CRPPA: variants seen among roughly 807,000 people sequenced by gnomAD.
CRPPA encodes CDP-L-ribitol pyrophosphorylase A, also known as D-ribitol-5-phosphate cytidylyltransferase.
In CRPPA, 43 loss-of-function variants were observed where a neutral mutation model predicts 52.0. That is an observed-to-expected ratio of 0.83 (90% CI 0.65 to 1.07). CRPPA has a LOEUF of 1.07. Ranked by LOEUF, CRPPA falls within the 50% of genes least tolerant of loss-of-function variation. CRPPA has a pLI of 0.00. For missense variants in CRPPA, 629 were observed against 551.7 expected (o/e 1.14, Z -1.40); for synonymous variants, 250 against 203.5 (o/e 1.23, Z -1.94).
chr7:16,204,523 T>C (rs965089666), intron 9 of CRPPA, among the ~76,000 whole-genome samples: 2 of 152,052 alleles, frequency 1.3e-5, no homozygotes, highest in African/African-American at 2.4e-5. Flanking sequence ...ATGGGCAGAA[T>C]GTACACTATT....
intron 2 of CRPPA, among the ~76,000 whole-genome samples, chr7:16,402,213 G>C (rs1051691672): frequency 6.6e-6 from 1 of 152,240 alleles, no homozygotes; most frequent in African/African-American, 2.4e-5. Context: ...GGCAGGGACA[G>C]TTTTCCCTGA....
intron 9 of CRPPA, among the ~76,000 whole-genome samples, chr7:16,102,894 T>G (rs1274384080): frequency 6.6e-6 from 1 of 152,196 alleles, no homozygotes; most frequent in Non-Finnish European, 1.5e-5. Context: ...GAAGACAGTG[T>G]GGCAATTCCT....
chr7:16,131,753 G>A (rs947030778), intron 9 of CRPPA, among the ~76,000 whole-genome samples: 7 of 152,112 alleles, frequency 4.6e-5, no homozygotes, highest in Non-Finnish European at 5.9e-5. Context: ...GCTAATTTTT[G>A]TAGTTTTTGT....
At chr7:16,171,848 A>G (rs905341297) in intron 9 of CRPPA, among the ~76,000 whole-genome samples, 7 of 152,196 alleles carry the variant, frequency 4.6e-5, no homozygotes, top group Non-Finnish European at 1.0e-4. Flanking sequence ...GGTTCTGCAC[A>G]TTGACACTTC....
intron 8 of CRPPA, among the ~76,000 whole-genome samples, chr7:16,235,624 T>C (rs1407760862): frequency 6.6e-6 from 1 of 152,038 alleles, no homozygotes; most frequent in Non-Finnish European, 1.5e-5. Context: ...GCCTAAAATA[T>C]TTACTATCTG....
intron 9 of CRPPA, among the ~76,000 whole-genome samples, chr7:16,094,734 G>A (rs1057268015): frequency 1.3e-5 from 2 of 152,088 alleles, no homozygotes; most frequent in East Asian, 1.9e-4. Context: ...TGTGAAAATA[G>A]CATTTATGTA....
intron 9 of CRPPA, among the ~76,000 whole-genome samples, chr7:16,122,035 G>A (rs1453266243): frequency 6.6e-6 from 1 of 152,008 alleles, no homozygotes. Context: ...CAAATAAGCA[G>A]CACATTACAA....
At chr7:16,211,456 G>C (rs1477430685) in intron 9 of CRPPA, among the ~76,000 whole-genome samples, 1 of 152,174 alleles carries the variant, frequency 6.6e-6, no homozygotes, top group East Asian at 1.9e-4. Flanking sequence ...TGGTACGTCT[G>C]CCATATGATT....
At chr7:16,158,748 G>A (rs1239109920) in intron 9 of CRPPA, among the ~76,000 whole-genome samples, 2 of 152,042 alleles carry the variant, frequency 1.3e-5, no homozygotes, top group Non-Finnish European at 2.9e-5. Flanking sequence ...ATCTATGCTG[G>A]CATTTGTTAG....
At chr7:16,093,253 C>T (rs936960788) in intron 9 of CRPPA, among the ~76,000 whole-genome samples, 1 of 152,110 alleles carries the variant, frequency 6.6e-6, no homozygotes, top group African/African-American at 2.4e-5. Flanking sequence ...AAATTCAAAG[C>T]AAAAGAGGTT....
At chr7:16,200,541 AG>A (rs1781828291) in intron 9 of CRPPA, among the ~76,000 whole-genome samples, 1 of 152,218 alleles carries the variant, frequency 6.6e-6, no homozygotes, top group Non-Finnish European at 1.5e-5. Context: ...GACACATAAA[AG>A]TTCAATTAAA....
chr7:16,217,012 C>T (rs1782343716), intron 8 of CRPPA, among the ~76,000 whole-genome samples: 1 of 151,920 alleles, frequency 6.6e-6, no homozygotes, highest in Non-Finnish European at 1.5e-5. Context: ...AAAAAGACAG[C>T]AGTAACGTCT....
At chr7:16,357,638 G>T (rs1786335776) in intron 3 of CRPPA, among the ~76,000 whole-genome samples, 1 of 152,176 alleles carries the variant, frequency 6.6e-6, no homozygotes, top group South Asian at 2.1e-4. Flanking sequence ...CAGGAACTGG[G>T]AAATGACCTC....
rs754223084 is a variant in CRPPA, at chr7:16,278,235, A to T, written c.836-9T>A. 2.3e-5 allele frequency: 14 copies of T among 618,128 alleles called. No individual in the cohort carries two copies. The highest frequency in any genetic ancestry group is 3.4e-5 in the South Asian group (1 of 29,222). 38.3% of individuals were successfully genotyped at this position (618,128 alleles called of 1,614,324 possible). A position where few individuals can be genotyped will look rare whatever the true frequency, so the allele number is the denominator to read the frequency against. ...CTCTTGGGAAATTCTCTCTGAAATT[A>T]AAAAAAAAAAGTTTTAAGTTTCAAA... On this transcript the variant is annotated splice_polypyrimidine_tract_variant and intron_variant, in intron 5 of 9. Coordinates refer to ENST00000407010, the MANE Select transcript of CRPPA (RefSeq NM_001101426.4).
In CRPPA at chr7:16,421,108, A is replaced by G; in HGVS notation, c.215T>C (p.Leu72Pro). 7.6e-7 allele frequency: 1 copy of G among 1,308,894 alleles called. No homozygotes were observed. Among genetic ancestry groups the G allele is most frequent in the Non-Finnish European group, 9.8e-7 (1 of 1,022,144 alleles). 81.1% of individuals were successfully genotyped at this position (1,308,894 alleles called of 1,614,324 possible). A position where few individuals can be genotyped will look rare whatever the true frequency, so the allele number is the denominator to read the frequency against. The change falls in exon 1 of 10, where the codon CTG (leucine) becomes CCG (proline). Residue 72 changes from leucine (L) to proline (P), a missense_variant. Coordinates refer to ENST00000407010, the MANE Select transcript of CRPPA (RefSeq NM_001101426.4). ...GGTGTAGCTGATGAGCGGCCTCTCC[A>G]GGATGGGGCAGAATTGCTTCGGGGT... ...VPTPKQFCPI[L>P]ERPLISYTLQ... is the part of the protein sequence containing the mutation.
intron 9 of CRPPA, among the ~76,000 whole-genome samples, chr7:16,100,720 G>C (rs1480231380): frequency 6.6e-6 from 1 of 152,144 alleles, no homozygotes; most frequent in East Asian, 1.9e-4. Flanking sequence ...GGGCATCCTT[G>C]TCTTGTGCCA....
chr7:16,383,247 T>C (rs1042791721), intron 2 of CRPPA, among the ~76,000 whole-genome samples: 5 of 152,150 alleles, frequency 3.3e-5, no homozygotes, highest in African/African-American at 7.2e-5. Context: ...TGGAGTTTGC[T>C]AGAGGTCCAC....
At chr7:16,320,607 T>C (rs1401073014) in intron 3 of CRPPA, among the ~76,000 whole-genome samples, 1 of 151,852 alleles carries the variant, frequency 6.6e-6, no homozygotes, top group Non-Finnish European at 1.5e-5. Flanking sequence ...TACATTAGAG[T>C]AAAACTAAAT....
intron 9 of CRPPA, among the ~76,000 whole-genome samples, chr7:16,206,828 G>T (rs967360058): frequency 6.6e-6 from 1 of 152,098 alleles, no homozygotes; most frequent in African/African-American, 2.4e-5. Context: ...AATTACTGTA[G>T]ATATGTTTAT....
Sources: gnomAD v4.1 joint callset for allele counts (sites outside exome capture counted in the v4.1 genomes callset) on GRCh38, gnomAD v4.1.1 for gene constraint, MANE v1.5 for transcripts, NCBI Gene and HGNC (gene_info 2026-07-23, HGNC 2026-07-21) for gene names.